Variants in UBE2E2 observed in about 807,000 individuals in gnomAD.
UBE2E2 encodes the protein ubiquitin conjugating enzyme E2 E2.
Under a neutral mutation model 24.7 loss-of-function variants are expected in UBE2E2, and 6 were observed. The observed-to-expected ratio is 0.24, with a 90% CI of 0.13 to 0.48. UBE2E2 has a LOEUF of 0.48. Ranked by LOEUF, UBE2E2 falls within the 20% of genes least tolerant of loss-of-function variation. The pLI, the probability that UBE2E2 is intolerant of heterozygous loss-of-function variation, is 0.99. For missense variants in UBE2E2, 169 were observed against 245.0 expected (o/e 0.69, Z 2.07); for synonymous variants, 104 against 83.6 (o/e 1.24, Z -1.33).
At chr3:23,572,708 T>C (rs1173273026) in intron 5 of UBE2E2, among the ~76,000 whole-genome samples, 1 of 152,220 alleles carries the variant, frequency 6.6e-6, no homozygotes, top group African/African-American at 2.4e-5. Context: ...CTGCAAAGGA[T>C]ATGATTTTGC....
At chr3:23,262,922 T>G (rs1324941790) in intron 3 of UBE2E2, among the ~76,000 whole-genome samples, 20 of 152,214 alleles carry the variant, frequency 1.3e-4, no homozygotes, top group Admixed American at 1.3e-3. Context: ...ACTGTGGTCT[T>G]GAATTTTTGT....
chr3:23,271,827 T>C (rs1021606795), intron 3 of UBE2E2, among the ~76,000 whole-genome samples: 5 of 151,882 alleles, frequency 3.3e-5, no homozygotes, highest in Non-Finnish European at 7.4e-5. Flanking sequence ...CCCCACCAGA[T>C]TAGCTAGATA....
chr3:23,431,397 A>G (rs1698057360), intron 3 of UBE2E2, among the ~76,000 whole-genome samples: 1 of 152,230 alleles, frequency 6.6e-6, no homozygotes, highest in Admixed American at 6.5e-5. Context: ...CGGGAAAGCC[A>G]CAGAAGTAGT....
intron 3 of UBE2E2, among the ~76,000 whole-genome samples, chr3:23,445,557 T>G (rs1698408867): frequency 6.6e-6 from 1 of 152,252 alleles, no homozygotes; most frequent in South Asian, 2.1e-4. Context: ...TCTTTAGGTC[T>G]GCTCCTGAAT....
At chr3:23,320,396 A>G (rs537764448) in intron 3 of UBE2E2, among the ~76,000 whole-genome samples, 1 of 152,318 alleles carries the variant, frequency 6.6e-6, no homozygotes, top group Admixed American at 6.5e-5. Context: ...TTATTAAGAT[A>G]TAATTCACAT....
intron 3 of UBE2E2, among the ~76,000 whole-genome samples, chr3:23,292,185 C>T (rs1181923321): frequency 6.6e-6 from 1 of 151,976 alleles, no homozygotes; most frequent in Non-Finnish European, 1.5e-5. Context: ...TGCCGTGTTG[C>T]CTAGGCTGCT....
At chr3:23,342,312 A>G (rs1421583778) in intron 3 of UBE2E2, among the ~76,000 whole-genome samples, 2 of 152,012 alleles carry the variant, frequency 1.3e-5, no homozygotes, top group Admixed American at 6.6e-5. Context: ...AGCCTACCAA[A>G]TAGCTGGGAC....
At chr3:23,323,632 C>A in intron 3 of UBE2E2, 1 of 410,454 alleles carries the variant, frequency 2.4e-6, no homozygotes, top group Non-Finnish European at 4.8e-6. Flanking sequence ...ATAAAATATC[C>A]AAAACACTTC....
chr3:23,499,659 A>T lies in UBE2E2; in HGVS notation c.279A>T (p.Gly93=), dbSNP rs930130302. ...ATGAATGGAGGTCAACTATATTGGGACCCCCAGGATCTGTCTATGAAGGAG... is the reference window on the plus strand; with the variant it reads ...ATGAATGGAGGTCAACTATATTGGGTCCCCCAGGATCTGTCTATGAAGGAG... ...NIYEWRSTIL[G]PPGSVYEGGV... The change falls in exon 4 of 6, where the codon GGA becomes GGT. Residue 93 remains glycine (G), a synonymous_variant. Transcript: ENST00000396703. 16 of 1,613,736 alleles carry T rather than the reference A, an allele frequency of 9.9e-6. No homozygotes were observed. The highest frequency in any genetic ancestry group is 1.3e-5 in the African/African-American group (1 of 74,862).
chr3:23,306,105 A>G (rs1209956855), intron 3 of UBE2E2, among the ~76,000 whole-genome samples: 1 of 152,244 alleles, frequency 6.6e-6, no homozygotes, highest in Non-Finnish European at 1.5e-5. Flanking sequence ...TTAAGAAAAC[A>G]TTTACTAGCA....
intron 3 of UBE2E2, among the ~76,000 whole-genome samples, chr3:23,480,771 A>C (rs187784044): frequency 2.0e-5 from 3 of 152,354 alleles, no homozygotes; most frequent in Non-Finnish European, 4.4e-5. Flanking sequence ...ACTGAAGGGC[A>C]TTGACAAAAT....
rs569599412 is a variant in UBE2E2 at position 23,339,059 on chromosome 3, C to A, written c.227+121747C>A. ...ATGGACATCTTCTTAACCAACTAATCAAAGTAGACATACTAATAATGAGAC... is the reference window on the plus strand; with the variant it reads ...ATGGACATCTTCTTAACCAACTAATAAAAGTAGACATACTAATAATGAGAC... On this transcript the variant is annotated intron_variant, in intron 3 of 5. Transcript: ENST00000396703. Among the ~76,000 whole-genome samples, 7 of 152,230 alleles carry A rather than the reference C, an allele frequency of 4.6e-5. No individual in the cohort carries two copies. The South Asian group carries it at 1.2e-3, about 27-fold the overall frequency.
chr3:23,307,988 C>T (rs1340720117), intron 3 of UBE2E2, among the ~76,000 whole-genome samples: 1 of 152,130 alleles, frequency 6.6e-6, no homozygotes, highest in Non-Finnish European at 1.5e-5. Context: ...TACCAAGTGG[C>T]ACCTTCTAGG....
At chr3:23,390,422 C>T (rs1437824371) in intron 3 of UBE2E2, among the ~76,000 whole-genome samples, 1 of 152,158 alleles carries the variant, frequency 6.6e-6, no homozygotes, top group Non-Finnish European at 1.5e-5. Flanking sequence ...GAAGGATCAC[C>T]TTCTTCCTGC....
At chr3:23,516,336 G>A (rs1471042437) in intron 4 of UBE2E2, among the ~76,000 whole-genome samples, 2 of 152,114 alleles carry the variant, frequency 1.3e-5, no homozygotes, top group Non-Finnish European at 2.9e-5. Flanking sequence ...GATTACTTCA[G>A]TGAAACTGCA....
chr3:23,303,644 A>C (rs368994018), intron 3 of UBE2E2, among the ~76,000 whole-genome samples: 5 of 152,202 alleles, frequency 3.3e-5, no homozygotes, highest in South Asian at 4.1e-4. Flanking sequence ...CACGTTATGC[A>C]TGAGTGAGGG....
intron 3 of UBE2E2, among the ~76,000 whole-genome samples, chr3:23,479,156 C>T (rs1699200270): frequency 6.6e-6 from 1 of 152,190 alleles, no homozygotes. Flanking sequence ...CTGGAATCAG[C>T]TGTGCTTGAC....
chr3:23,551,012 C>G (rs1559418849), intron 5 of UBE2E2, among the ~76,000 whole-genome samples: 1 of 152,190 alleles, frequency 6.6e-6, no homozygotes, highest in East Asian at 1.9e-4. Context: ...TGCATCTGCT[C>G]TAACAGTTTA....
At position 23,358,119 on chromosome 3, in the gene UBE2E2, C is replaced by T. The variant is rs12637703; in HGVS notation, c.227+140807C>T. 1.4e-3 allele frequency among the ~76,000 whole-genome samples: 210 copies of T among 152,264 alleles called. 1 individual carries two copies. In the East Asian group the frequency reaches 0.036, roughly 26 times the overall value. ...CCAAAATGCTAGGCCAGGCATGAGC[C>T]ACTGTGCCTGGCCCAGAAATCTATT... On this transcript the variant is annotated intron_variant, in intron 3 of 5. Transcript: ENST00000396703.
Sources: allele counts gnomAD v4.1 joint callset (sites outside exome capture counted in the v4.1 genomes callset), GRCh38; gene constraint gnomAD v4.1.1; transcripts MANE v1.5; gene names NCBI Gene and HGNC (gene_info 2026-07-23, HGNC 2026-07-21).